JMJD7: variants seen among roughly 807,000 people sequenced by gnomAD.
The protein encoded by JMJD7 is jumonji domain containing 7.
A neutral mutation model predicts 41.1 loss-of-function variants in JMJD7; 41 were observed. That is an observed-to-expected ratio of 1.00 (90% CI 0.78 to 1.30). The LOEUF is 1.30. Among genes scored for constraint, JMJD7 ranks in the 50% most tolerant of loss-of-function variants. The pLI is 0.00. For missense variants in JMJD7, 480 were observed against 420.7 expected (o/e 1.14, Z -1.23); for synonymous variants, 202 against 177.2 (o/e 1.14, Z -1.11).
intron 1 of JMJD7, 32 bp from the exon 2 acceptor site, chr15:41,834,708 C>T (rs2065281781): frequency 1.9e-6 from 3 of 1,607,848 alleles, no homozygotes; most frequent in Non-Finnish European, 2.5e-6. Flanking sequence ...AGACATCAGC[C>T]CTTCCATCCC....
At chr15:41,835,442 C>G (rs1162016824) in intron 3 of JMJD7, 146 bp from the exon 4 acceptor site, 3 of 1,351,236 alleles carry the variant, frequency 2.2e-6, no homozygotes, top group Non-Finnish European at 2.0e-6. Flanking sequence ...GACCCCTTCC[C>G]CAAGATTTCC....
intron 1 of JMJD7, 115 bp downstream of exon 1, chr15:41,828,303 G>T: frequency 7.8e-7 from 1 of 1,281,198 alleles, no homozygotes; most frequent in Non-Finnish European, 1.0e-6. Flanking sequence ...GGCCCCGCTC[G>T]GGTTGCTCTT....
chr15:41,833,414 A>ATATATATATATTTTTTT (rs1239528383), intron 1 of JMJD7, among the ~76,000 whole-genome samples: 1 of 31,998 alleles, frequency 3.1e-5, no homozygotes, highest in Non-Finnish European at 6.1e-5. Context: ...ATATATATAT[A>ATATATATATATTTTTTT]TTTTTTTTTT....
intron 5 of JMJD7, 75 bp downstream of exon 5, chr15:41,836,318 A>G (rs752293077): frequency 8.2e-6 from 13 of 1,591,622 alleles, no homozygotes; most frequent in Non-Finnish European, 9.4e-6. Context: ...AGAGCCTGGG[A>G]GGCCAGTTCC....
intron 1 of JMJD7, 128 bp downstream of exon 1, chr15:41,828,316 G>A (rs1053213021): frequency 8.0e-6 from 9 of 1,121,336 alleles, no homozygotes; most frequent in Non-Finnish European, 8.3e-6. Flanking sequence ...TTGCTCTTCT[G>A]TGGCAACCTG....
chr15:41,837,325 C>G lies in JMJD7; in HGVS notation c.*169C>G, dbSNP rs569299959. 5.0e-6 allele frequency: 3 copies of G among 601,874 alleles called. No homozygotes were observed. Among genetic ancestry groups the G allele is most frequent in the Admixed American group, 5.9e-5 (2 of 33,656 alleles). The allele number at this position is 601,874 out of a possible 1,614,324, so 37.3% of individuals were successfully genotyped here. On this transcript the variant is annotated 3_prime_UTR_variant, in exon 8 of 8. Transcript: ENST00000397299. ...ATCTTGGAATGTGGTCATAAGGACT[C>G]AAGGTGCCAGGCAGGTCTGGGTGAG...
intron 1 of JMJD7, among the ~76,000 whole-genome samples, chr15:41,831,941 C>T (rs920639862): frequency 6.6e-5 from 10 of 152,336 alleles, no homozygotes; most frequent in South Asian, 2.1e-4. Flanking sequence ...AGAAGAACTG[C>T]GGCCCTTTGG....
chr15:41,831,666 A>G (rs116010150), intron 1 of JMJD7, among the ~76,000 whole-genome samples: 2,812 of 152,274 alleles, frequency 0.018, 82 homozygotes, highest in African/African-American at 0.065. Context: ...GAGAGGAGCT[A>G]TCCTCTTTGC....
chr15:41,829,621 G>C (rs1056901304), intron 1 of JMJD7, among the ~76,000 whole-genome samples: 2 of 152,206 alleles, frequency 1.3e-5, no homozygotes, highest in African/African-American at 4.8e-5. Context: ...GAGTTATGGG[G>C]TCAAAGCAAT....
chr15:41,836,858 C>G lies in JMJD7; in HGVS notation c.780C>G (p.Arg260=). The change falls in exon 7 of 8, where the codon CGC becomes CGG. Residue 260 remains arginine, a synonymous_variant. Coordinates refer to ENST00000397299, the MANE Select transcript of JMJD7 (RefSeq NM_001114632.2). ...YPSYSQAQAL[R]CTVRAGEMLY... The stretch of plus-strand genomic sequence containing the variant: ...GTTACAGTCAGGCCCAGGCCCTTCG[C>G]TGCACGGTGCGGGCCGGTGAGATGC... 6.2e-7 allele frequency: 1 copy of G among 1,613,334 alleles called. No individual in the cohort carries two copies. Among genetic ancestry groups the G allele is most frequent in the Non-Finnish European group, 8.5e-7 (1 of 1,179,782 alleles).
chr15:41,828,505 G>A (rs1481622626), intron 1 of JMJD7: 6 of 284,612 alleles, frequency 2.1e-5, no homozygotes, highest in Admixed American at 5.3e-5. Flanking sequence ...GCTGGTGGTC[G>A]GATTCCTCCC....
chr15:41,837,143 C>T lies in JMJD7; in HGVS notation c.938C>T (p.Ser313Leu). ...CTGCTCGACTCCCTCACCAAGGCTT[C>T]AGGCCTTGACTGATGGAGCACTGGT... ...FQLLDSLTKA[S>L]GLD is the part of the protein sequence containing the mutation. Residue 313 changes from serine to leucine, a missense_variant, in exon 8 of 8, where the codon TCA becomes TTA. Ser to Leu is a moderately radical substitution (Grantham distance 145). Coordinates refer to ENST00000397299, the MANE Select transcript of JMJD7 (RefSeq NM_001114632.2). 1 of 1,610,350 alleles carries T rather than the reference C, an allele frequency of 6.2e-7. No individual in the cohort carries two copies. Among genetic ancestry groups the T allele is most frequent in the African/African-American group, 1.3e-5 (1 of 74,982 alleles).
intron 1 of JMJD7, among the ~76,000 whole-genome samples, chr15:41,833,648 C>T (rs933495259): frequency 3.3e-5 from 5 of 151,402 alleles, no homozygotes; most frequent in African/African-American, 4.9e-5. Flanking sequence ...CTTGACCTCC[C>T]GGCCTCAGCA....
chr15:41,836,566 CT>C lies in JMJD7; in HGVS notation c.702+17del. On this transcript the variant is annotated intron_variant, in intron 6 of 7. Coordinates refer to ENST00000397299, the MANE Select transcript of JMJD7 (RefSeq NM_001114632.2). ...CCATGGAGAAGGTGTCTGTCCTGTT[CT>C]TGGGCTCTAGGGAGGGAGAAGGGCA... 6.4e-7 allele frequency: 1 copy of C among 1,558,550 alleles called. No homozygotes were observed. The highest frequency in any genetic ancestry group is 8.7e-7 in the Non-Finnish European group (1 of 1,151,920).
At position 41,836,203 on chromosome 15, in the gene JMJD7, C is replaced by T; in HGVS notation, c.585C>T (p.Phe195=). Residue 195 remains phenylalanine (F), a synonymous_variant, in exon 5 of 8, where the codon TTC becomes TTT. Coordinates refer to ENST00000397299, the MANE Select transcript of JMJD7 (RefSeq NM_001114632.2). ...GCGTGGTCTCAGGAGAGAAGCATTTCCTGTTCCATCCGCCCAGCGACCGGC... is the reference window on the plus strand; with the variant it reads ...GCGTGGTCTCAGGAGAGAAGCATTTTCTGTTCCATCCGCCCAGCGACCGGC... ...LYCVVSGEKH[F]LFHPPSDRPF... 6.2e-7 allele frequency: 1 copy of T among 1,612,968 alleles called. No individual in the cohort carries two copies.
chr15:41,833,414 A>ATTTTTTT lies in JMJD7; in HGVS notation c.65-1308_65-1302dup, dbSNP rs67111164. On this transcript the variant is annotated intron_variant, in intron 1 of 7. Coordinates refer to ENST00000397299, the MANE Select transcript of JMJD7 (RefSeq NM_001114632.2). ...AATACATATATATATATATATATAT[A>ATTTTTTT]TTTTTTTTTTTTTTTTTTTTTTTTG... Among the ~76,000 whole-genome samples, 59 of 32,006 alleles carry ATTTTTTT rather than the reference A, an allele frequency of 1.8e-3. 9 individuals carry two copies. Among genetic ancestry groups the ATTTTTTT allele is most frequent in the Non-Finnish European group, 2.8e-3 (45 of 16,332 alleles). The allele number at this position is 32,006 out of a possible 152,430, so 21.0% of individuals were successfully genotyped here.
rs1184630600 is a variant in JMJD7, at chr15:41,828,199, C to T, written c.64+11C>T. On this transcript the variant is annotated intron_variant, in intron 1 of 7. Coordinates refer to ENST00000397299, the MANE Select transcript of JMJD7 (RefSeq NM_001114632.2). The stretch of plus-strand genomic sequence containing the variant: ...CGGCCGCTGCAAGGGGTGAGTGGCT[C>T]TCCCACAGGCTGCGGCGATTTCCGA... The T allele has an allele frequency of 4.7e-6, 7 of 1,502,206 alleles. No individual in the cohort carries two copies. The highest frequency in any genetic ancestry group is 1.4e-5 in the South Asian group (1 of 73,164). 93.1% of individuals were successfully genotyped at this position (1,502,206 alleles called of 1,614,324 possible).
intron 1 of JMJD7, among the ~76,000 whole-genome samples, chr15:41,832,265 G>A (rs1485777103): frequency 6.6e-6 from 1 of 152,240 alleles, no homozygotes; most frequent in Non-Finnish European, 1.5e-5. Context: ...GGTAGCATGA[G>A]CTGAGCACAG....
rs2065296217 is a variant in JMJD7, at chr15:41,835,338, C to T, written c.472+115C>T. ...CCTATGGGCTTGGTCCTGTCAGCAT[C>T]TGGTGCAGCTCACTAAATACATTCC... On this transcript the variant is annotated intron_variant, in intron 3 of 7. Coordinates refer to ENST00000397299, the MANE Select transcript of JMJD7 (RefSeq NM_001114632.2). 3.5e-6 allele frequency: 5 copies of T among 1,428,916 alleles called. No homozygotes were observed. In the African/African-American group the frequency reaches 5.7e-5, roughly 16 times the overall value. 88.5% of individuals were successfully genotyped at this position (1,428,916 alleles called of 1,614,324 possible). A position where few individuals can be genotyped will look rare whatever the true frequency, so the allele number is the denominator to read the frequency against.
Sources: gnomAD v4.1 joint callset for allele counts (sites outside exome capture counted in the v4.1 genomes callset) on GRCh38, gnomAD v4.1.1 for gene constraint, MANE v1.5 for transcripts, NCBI Gene and HGNC (gene_info 2026-07-23, HGNC 2026-07-21) for gene names.